Variants in ZNF74 observed in about 807,000 individuals in gnomAD.
ZNF74 encodes zinc finger protein 520.
Under a neutral mutation model 17.7 loss-of-function variants are expected in ZNF74, and 12 were observed. That is an observed-to-expected ratio of 0.68 (90% CI 0.43 to 1.10). ZNF74 has a LOEUF of 1.10. ZNF74 is among the 50% of genes least tolerant of loss of function. The probability of loss-of-function intolerance (pLI) is 0.00; values close to 1 mark genes in which losing one functional copy is unlikely to be tolerated. For missense variants in ZNF74, 811 were observed against 881.0 expected (o/e 0.92, Z 1.01); for synonymous variants, 358 against 362.1 (o/e 0.99, Z 0.13).
rs761032520 is a variant in ZNF74, at chr22:20,401,256, C to T, written c.248-21C>T. On this transcript the variant is annotated intron_variant, in intron 3 of 4. Coordinates refer to ENST00000400451, the MANE Select transcript of ZNF74 (RefSeq NM_003426.4). The surrounding 1 kb of genome is among the most constrained non-coding windows in gnomAD (Gnocchi z 4.2). ...CCTGGAGAGCTGCAGCATGCCCAGCCCACTTTCTCTCCACGAGCAGGACCT... is the reference window on the plus strand; with the variant it reads ...CCTGGAGAGCTGCAGCATGCCCAGCTCACTTTCTCTCCACGAGCAGGACCT... The T allele has an allele frequency of 6.3e-7, 1 of 1,575,146 alleles. No individual in the cohort carries two copies. The highest frequency in any genetic ancestry group is 1.1e-5 in the South Asian group (1 of 88,286).
intron 2 of ZNF74, among the ~76,000 whole-genome samples, chr22:20,399,285 TAATG>T (rs2146092904): frequency 6.6e-6 from 1 of 152,366 alleles, no homozygotes; most frequent in South Asian, 2.1e-4. Flanking sequence ...TATGAGTTCT[TAATG>T]AATTAACTGT....
chr22:20,394,359 G>C lies in ZNF74; in HGVS notation c.-270G>C, dbSNP rs1291237321. 2.9e-6 allele frequency: 2 copies of C among 686,432 alleles called. No individual in the cohort carries two copies. 42.5% of individuals were successfully genotyped at this position (686,432 alleles called of 1,614,324 possible). Reference sequence around the variant, plus strand: ...GGTTCGCCGGGAGGAGCGTGTGGCGGGGGTGTGCCGGGGCGTGAGTGCGCC... The same window carrying C: ...GGTTCGCCGGGAGGAGCGTGTGGCGCGGGTGTGCCGGGGCGTGAGTGCGCC... On this transcript the variant is annotated 5_prime_UTR_variant, in exon 1 of 5. Transcript: ENST00000400451.
At position 20,401,718 on chromosome 22, in the gene ZNF74, G is replaced by A. The variant is rs1049869365; in HGVS notation, c.343+346G>A. On this transcript the variant is annotated intron_variant, in intron 4 of 4. Transcript: ENST00000400451. This position sits in a 1 kb window ranked among gnomAD's most constrained non-coding sequence, Gnocchi z 4.2. ...GGCCACCAGGGAAGGGGCAGCTGGC[G>A]TTGGTCAGTGTCAGGGTCAGCATGA... is the stretch of plus-strand genomic sequence containing the variant. 1.2e-4 allele frequency among the ~76,000 whole-genome samples: 19 copies of A among 152,274 alleles called. No individual in the cohort carries two copies. The highest frequency in any genetic ancestry group is 5.8e-4 in the East Asian group (3 of 5,184).
Position 20,406,407 on chromosome 22 carries a change from C to A in ZNF74, c.1374C>A (p.Tyr458Ter). 8.1e-6 allele frequency: 13 copies of A among 1,613,850 alleles called. No individual in the cohort carries two copies. Among genetic ancestry groups the A allele is most frequent in the Non-Finnish European group, 1.1e-5 (13 of 1,179,956 alleles). Residue 458 changes from tyrosine to a stop codon, truncating the protein, a stop_gained, in exon 5 of 5, where the codon TAC becomes TAA. Transcript: ENST00000400451. LOFTEE classifies it low-confidence loss of function (END_TRUNC). ...GGAAGGGCTTCAGCTGCCACGCGTA[C>A]CTGCTCGTGCACCGGCGCATCCACA... ...DCGKGFSCHA[Y>*]LLVHRRIHSG...
chr22:20,401,352 T>A lies in ZNF74; in HGVS notation c.323T>A (p.Val108Asp), dbSNP rs1482780984. ...GEEPWSMQRE[V>D]PRGPCPEWEL... ...GAGCCATGGAGCATGCAGAGGGAAGTCCCCAGAGGGCCCTGTCCAGGTGAG... is the reference window on the plus strand; with the variant it reads ...GAGCCATGGAGCATGCAGAGGGAAGACCCCAGAGGGCCCTGTCCAGGTGAG... Residue 108 changes from valine to aspartate, a missense_variant, in exon 4 of 5, where the codon GTC becomes GAC. Transcript: ENST00000400451. This position sits in a 1 kb window ranked among gnomAD's most constrained non-coding sequence, Gnocchi z 4.2. The A allele has an allele frequency of 6.2e-7, 1 of 1,608,140 alleles. No individual in the cohort carries two copies.
At position 20,395,531 on chromosome 22, in the gene ZNF74, T is replaced by G; in HGVS notation, c.120+113T>G. 4 of 749,856 alleles carry G rather than the reference T, an allele frequency of 5.3e-6. No homozygotes were observed. The East Asian group carries it at 1.1e-4, about 20-fold the overall frequency. 46.5% of individuals were successfully genotyped at this position (749,856 alleles called of 1,614,324 possible). A position where few individuals can be genotyped will look rare whatever the true frequency, so the allele number is the denominator to read the frequency against. ...CACCCGGGTACCTGCTGGCCAGTCCTCAGGAAGCTCTGGGCAGTGGGAACA... is the reference window on the plus strand; with the variant it reads ...CACCCGGGTACCTGCTGGCCAGTCCGCAGGAAGCTCTGGGCAGTGGGAACA... On this transcript the variant is annotated intron_variant, in intron 2 of 4. Transcript: ENST00000400451.
chr22:20,406,681 C>G lies in ZNF74; in HGVS notation c.1648C>G (p.His550Asp). ...CTGTCTCATTAAACATCAGAAAATCCACTCCGGGGAGAAGTCGTTTAAGTG... is the reference window on the plus strand; with the variant it reads ...CTGTCTCATTAAACATCAGAAAATCGACTCCGGGGAGAAGTCGTTTAAGTG... ...NHCLIKHQKI[H>D]SGEKSFKCEK... Residue 550 changes from histidine to aspartate, a missense_variant, in exon 5 of 5, where the codon CAC becomes GAC. His to Asp is a moderately conservative substitution (Grantham distance 81). Transcript: ENST00000400451. The G allele has an allele frequency of 1.2e-6, 2 of 1,614,206 alleles. No individual in the cohort carries two copies. The highest frequency in any genetic ancestry group is 1.7e-6 in the Non-Finnish European group (2 of 1,180,044).
chr22:20,406,086 G>C lies in ZNF74; in HGVS notation c.1053G>C (p.Leu351=). ...FSCSSLLSMH[L]RVHTGEKPYR... The stretch of plus-strand genomic sequence containing the variant: ...GCAGCTCGCTGCTCAGCATGCACCT[G>C]CGGGTGCACACCGGCGAGAAGCCCT... The change falls in exon 5 of 5, where the codon CTG becomes CTC. Residue 351 remains leucine, a synonymous_variant. Transcript: ENST00000400451. The C allele has an allele frequency of 1.2e-6, 2 of 1,613,290 alleles. No homozygotes were observed. The highest frequency in any genetic ancestry group is 8.5e-7 in the Non-Finnish European group (1 of 1,179,762).
chr22:20,395,755 C>T (rs1002836508), intron 2 of ZNF74, among the ~76,000 whole-genome samples: 4 of 152,162 alleles, frequency 2.6e-5, no homozygotes, highest in Non-Finnish European at 5.9e-5. Flanking sequence ...TGCCTATCCA[C>T]GTGCTGGCCA....
At chr22:20,396,067 C>G (rs1355075928) in intron 2 of ZNF74, among the ~76,000 whole-genome samples, 1 of 152,002 alleles carries the variant, frequency 6.6e-6, no homozygotes, top group African/African-American at 2.4e-5. Context: ...GTTTTTCTAC[C>G]GCAACCACCT....
In ZNF74 at chr22:20,394,584, G is replaced by A; in HGVS notation, c.-45G>A. The A allele has an allele frequency of 6.2e-7, 1 of 1,609,376 alleles. No individual in the cohort carries two copies. Among genetic ancestry groups the A allele is most frequent in the Non-Finnish European group, 8.5e-7 (1 of 1,175,778 alleles). On this transcript the variant is annotated 5_prime_UTR_variant, in exon 1 of 5. Coordinates refer to ENST00000400451, the MANE Select transcript of ZNF74 (RefSeq NM_003426.4). Reference sequence around the variant, plus strand: ...TCAGGGCCTGCCCTGGATCCTGGAGGCTACACAGCTGCCCACTCCTCCTGG... The same window carrying A: ...TCAGGGCCTGCCCTGGATCCTGGAGACTACACAGCTGCCCACTCCTCCTGG...
chr22:20,404,947 A>G (rs909069072), intron 4 of ZNF74, among the ~76,000 whole-genome samples: 5 of 152,232 alleles, frequency 3.3e-5, no homozygotes, highest in Non-Finnish European at 7.3e-5. Context: ...CTCAAAACAA[A>G]CAAACAAACA....
chr22:20,406,444 C>A lies in ZNF74; in HGVS notation c.1411C>A (p.Pro471Thr). Residue 471 changes from proline to threonine, a missense_variant, in exon 5 of 5, where the codon CCC (proline) becomes ACC (threonine). By Grantham distance (38) the Pro-to-Thr change is conservative (BLOSUM62 -1). Transcript: ENST00000400451. ...CCGGCGCATCCACAGCGGCGAGAAG[C>A]CCTTCAAGTGCAACGAGTGCGGCAA... ...VHRRIHSGEK[P>T]FKCNECGKAF... is the part of the protein sequence containing the mutation. 6.2e-7 allele frequency: 1 copy of A among 1,614,048 alleles called. No homozygotes were observed. The highest frequency in any genetic ancestry group is 8.5e-7 in the Non-Finnish European group (1 of 1,179,974).
rs945711790 is a variant in ZNF74 at position 20,395,329 on chromosome 22, C to G, written c.35-4C>G. The G allele has an allele frequency of 6.3e-7, 1 of 1,594,528 alleles. No homozygotes were observed. The highest frequency in any genetic ancestry group is 1.3e-5 in the African/African-American group (1 of 74,726). On this transcript the variant is annotated splice_region_variant and splice_polypyrimidine_tract_variant and intron_variant, in intron 1 of 4. Coordinates refer to ENST00000400451, the MANE Select transcript of ZNF74 (RefSeq NM_003426.4). ...GTGACCTTGACTCATTTCTCCTTCG[C>G]CAGCTCTTTCCTCTCAGGATCCTGC...
At position 20,406,741 on chromosome 22, in the gene ZNF74, C is replaced by T. The variant is rs1293777965; in HGVS notation, c.1708C>T (p.His570Tyr). The change falls in exon 5 of 5, where the codon CAC becomes TAC. Residue 570 changes from histidine to tyrosine, a missense_variant. This residue lies in a region of ZNF74 where 115 missense variants were observed against 119.5 expected (regional missense o/e 0.96). Coordinates refer to ENST00000400451, the MANE Select transcript of ZNF74 (RefSeq NM_003426.4). ...TGGGGAGATGTTCAACTGGAGCTCG[C>T]ACCTCACTGAGCACCAGAGGCTGCA... ...KCGEMFNWSS[H>Y]LTEHQRLHSE... 8.1e-6 allele frequency: 13 copies of T among 1,614,178 alleles called. No individual in the cohort carries two copies. Among genetic ancestry groups the T allele is most frequent in the Non-Finnish European group, 1.1e-5 (13 of 1,180,042 alleles).
rs1195659276 is a variant in ZNF74 at position 20,405,432 on chromosome 22, G to A, written c.399G>A (p.Pro133=). ...AGCAGGGCATTTGCAAAGAAGAACC[G>A]GCCCAGGAGCCCATCATGGAGCGGC... ...SQQQGICKEE[P]AQEPIMERPL... is the part of the protein sequence containing the mutation. The change falls in exon 5 of 5, where the codon CCG becomes CCA. Residue 133 remains proline (P), a synonymous_variant. Transcript: ENST00000400451. 6.2e-7 allele frequency: 1 copy of A among 1,613,380 alleles called. No homozygotes were observed. The highest frequency in any genetic ancestry group is 2.2e-5 in the East Asian group (1 of 44,868).
At position 20,394,376 on chromosome 22, in the gene ZNF74, G is replaced by A. The variant is rs1473670719; in HGVS notation, c.-253G>A. On this transcript the variant is annotated 5_prime_UTR_variant, in exon 1 of 5. An upstream open reading frame in the 5' UTR loses its in-frame stop. Coordinates refer to ENST00000400451, the MANE Select transcript of ZNF74 (RefSeq NM_003426.4). ...GTGTGGCGGGGGTGTGCCGGGGCGT[G>A]AGTGCGCCGAGCATGGGGCTGAGCC... 5.9e-6 allele frequency: 4 copies of A among 676,696 alleles called. No homozygotes were observed. In the Admixed American group the frequency reaches 8.6e-5, roughly 14 times the overall value. 41.9% of individuals were successfully genotyped at this position (676,696 alleles called of 1,614,324 possible). A position where few individuals can be genotyped will look rare whatever the true frequency, so the allele number is the denominator to read the frequency against.
In ZNF74 at chr22:20,407,023, ACC is replaced by A; in HGVS notation, c.*57_*58del. ...TTCTGAGCTACTCAACAAGGAAAGC[ACC>A]CTGGTCCTCCCTGGCTCCTAGATCC... is the stretch of plus-strand genomic sequence containing the variant. On this transcript the variant is annotated 3_prime_UTR_variant, in exon 5 of 5. Transcript: ENST00000400451. The A allele has an allele frequency of 6.5e-7, 1 of 1,530,148 alleles. No homozygotes were observed. The highest frequency in any genetic ancestry group is 8.8e-7 in the Non-Finnish European group (1 of 1,138,920). The allele number at this position is 1,530,148 out of a possible 1,614,324, so 94.8% of individuals were successfully genotyped here.
In ZNF74 at chr22:20,407,578, A is replaced by G. The variant is rs1445243000; in HGVS notation, c.*610A>G. The G allele has an allele frequency of 2.0e-5, 3 of 152,522 alleles. No individual in the cohort carries two copies. The highest frequency in any genetic ancestry group is 6.5e-5 in the Admixed American group (1 of 15,298). The allele number at this position is 152,522 out of a possible 1,614,324, so 9.4% of individuals were successfully genotyped here. A position where few individuals can be genotyped will look rare whatever the true frequency, so the allele number is the denominator to read the frequency against. On this transcript the variant is annotated 3_prime_UTR_variant, in exon 5 of 5. Coordinates refer to ENST00000400451, the MANE Select transcript of ZNF74 (RefSeq NM_003426.4). Reference sequence around the variant, plus strand: ...GTGTGAAATTAAAAGGAGGTATATCAACTGTTGTATCCTCGGACGGGCTCC... The same window carrying G: ...GTGTGAAATTAAAAGGAGGTATATCGACTGTTGTATCCTCGGACGGGCTCC...
Sources: allele counts gnomAD v4.1 joint callset (sites outside exome capture counted in the v4.1 genomes callset), GRCh38; gene constraint gnomAD v4.1.1; regional missense constraint gnomAD v4.1.1; non-coding constraint Gnocchi (gnomAD v3.1); transcripts MANE v1.5; gene names NCBI Gene and HGNC (gene_info 2026-07-23, HGNC 2026-07-21).